The following NAV3 variants were observed in gnomAD, a reference collection of about 807,000 sequenced individuals.
The protein encoded by NAV3 is neuron navigator 3.
A neutral mutation model predicts 244.7 loss-of-function variants in NAV3; 87 were observed. That is an observed-to-expected ratio of 0.36 (90% CI 0.30 to 0.42). The LOEUF is 0.42. Ranked by LOEUF, NAV3 falls within the 20% of genes least tolerant of loss-of-function variation. The pLI, the probability that NAV3 is intolerant of heterozygous loss-of-function variation, is 1.00. For missense variants in NAV3, 2,663 were observed against 2,893.3 expected (o/e 0.92, Z 1.83); for synonymous variants, 1,126 against 1,042.2 (o/e 1.08, Z -1.55).
Position 78,176,232 on chromosome 12 carries a change from CA to C in NAV3, c.5104-197del, listed in dbSNP as rs3054757. ...TGGAGTCAATGATTTCTTTTAATAC[CA>C]AAAAAAAAATGTAGATTTTGAGTAA... is the stretch of plus-strand genomic sequence containing the variant. On this transcript the variant is annotated intron_variant, in intron 25 of 39. Coordinates refer to ENST00000397909, the MANE Select transcript of NAV3 (RefSeq NM_001024383.2). 2.4e-3 allele frequency among the ~76,000 whole-genome samples: 347 copies of C among 146,930 alleles called. 2 individuals are homozygous for C. Among genetic ancestry groups the C allele is most frequent in the Middle Eastern group, 0.01 (3 of 290 alleles).
chr12:77,929,877 G>T (rs1888615247), intron 1 of NAV3, among the ~76,000 whole-genome samples: 1 of 142,504 alleles, frequency 7.0e-6, no homozygotes, highest in Non-Finnish European at 1.5e-5. Context: ...TTGAACTCCT[G>T]ACCTCAAGTT....
chr12:78,205,019 G>A lies in NAV3; in HGVS notation c.6919G>A (p.Glu2307Lys). The change falls in exon 39 of 40, where the codon GAG becomes AAG. Residue 2307 changes from glutamate (E) to lysine (K), a missense_variant. This residue lies in a region of NAV3 where 543 missense variants were observed against 672.4 expected (regional missense o/e 0.81). Transcript: ENST00000397909. ...YPWSSATLPQ[E>K]SPALLQLRPE... Reference sequence around the variant, plus strand: ...ATGGAGCTCAGCAACTCTGCCTCAGGAGAGCCCAGCCTTACTTCAGCTGCG... The same window carrying A: ...ATGGAGCTCAGCAACTCTGCCTCAGAAGAGCCCAGCCTTACTTCAGCTGCG... The A allele has an allele frequency of 6.2e-7, 1 of 1,613,588 alleles. No homozygotes were observed. Among genetic ancestry groups the A allele is most frequent in the South Asian group, 1.1e-5 (1 of 91,064 alleles).
At chr12:77,668,280 T>C (rs1292435681) in intron 2 of NAV3, among the ~76,000 whole-genome samples, 1 of 152,056 alleles carries the variant, frequency 6.6e-6, no homozygotes, top group African/African-American at 2.4e-5. Context: ...CAAACCAAGA[T>C]GAAATCTCTG....
chr12:77,812,686 C>T (rs991487082), intron 2 of NAV3, among the ~76,000 whole-genome samples: 1 of 151,986 alleles, frequency 6.6e-6, no homozygotes, highest in African/African-American at 2.4e-5. Flanking sequence ...GCCTGGCCTC[C>T]CAAAGTGCTA....
Position 77,928,222 on chromosome 12 carries a change from C to CAAAA in NAV3, c.244-12079_244-12076dup, listed in dbSNP as rs759919821. ...TGGGTGACAGGGCTAGGCTCCGCCT[C>CAAAA]AAAAAAAAAAAAAAAAAAAAAGAGA... On this transcript the variant is annotated intron_variant, in intron 1 of 39. Coordinates refer to ENST00000397909, the MANE Select transcript of NAV3 (RefSeq NM_001024383.2). Among the ~76,000 whole-genome samples, 44 of 80,150 alleles carry CAAAA rather than the reference C, an allele frequency of 5.5e-4. 2 individuals are homozygous for CAAAA. The highest frequency in any genetic ancestry group is 8.7e-4 in the African/African-American group (17 of 19,604). The allele number at this position is 80,150 out of a possible 152,430, so 52.6% of individuals were successfully genotyped here. A position where few individuals can be genotyped will look rare whatever the true frequency, so the allele number is the denominator to read the frequency against.
chr12:78,076,911 G>A (rs61936208), intron 12 of NAV3, among the ~76,000 whole-genome samples: 1,563 of 152,162 alleles, frequency 0.01, 11 homozygotes, highest in Admixed American at 0.016. Context: ...TGTTTAAATA[G>A]CAAAGTATAA....
At chr12:78,104,520 A>C (rs1446031020) in intron 12 of NAV3, among the ~76,000 whole-genome samples, 1 of 152,200 alleles carries the variant, frequency 6.6e-6, no homozygotes, top group African/African-American at 2.4e-5. Flanking sequence ...CCAGAACTAC[A>C]AATTAACTAA....
At chr12:77,595,663 A>G (rs1373606264) in intron 2 of NAV3, among the ~76,000 whole-genome samples, 1 of 152,194 alleles carries the variant, frequency 6.6e-6, no homozygotes, top group Non-Finnish European at 1.5e-5. Flanking sequence ...TATAATTTTC[A>G]TTACAAAAAA....
intron 2 of NAV3, among the ~76,000 whole-genome samples, chr12:77,710,389 T>G (rs796881528): frequency 1.5e-4 from 22 of 148,946 alleles, no homozygotes; most frequent in Middle Eastern, 3.4e-3. Context: ...ATAACTATTA[T>G]TTTGGATGCT....
intron 2 of NAV3, among the ~76,000 whole-genome samples, chr12:77,685,038 G>A (rs1323753065): frequency 6.6e-6 from 1 of 152,054 alleles, no homozygotes; most frequent in Non-Finnish European, 1.5e-5. Context: ...ATTATTTTAT[G>A]TTTATACTAT....
chr12:78,128,932 G>A (rs2138859218), intron 18 of NAV3, 66 bp downstream of exon 18: 1 of 1,474,570 alleles, frequency 6.8e-7, no homozygotes. Context: ...AGAAACCCTG[G>A]AATCTCTCCA....
chr12:78,106,610 A>G (rs1234949828), intron 12 of NAV3, among the ~76,000 whole-genome samples: 5 of 152,224 alleles, frequency 3.3e-5, no homozygotes, highest in African/African-American at 7.2e-5. Context: ...CAACACCAGC[A>G]TGGACTGTCT....
chr12:77,726,378 G>T (rs1876880053), intron 2 of NAV3, among the ~76,000 whole-genome samples: 1 of 151,318 alleles, frequency 6.6e-6, no homozygotes, highest in South Asian at 2.1e-4. Flanking sequence ...AATATTTATT[G>T]TATATCAGTT....
chr12:78,203,709 C>T (rs1959984283), intron 38 of NAV3, among the ~76,000 whole-genome samples: 1 of 152,090 alleles, frequency 6.6e-6, no homozygotes, highest in South Asian at 2.1e-4. Flanking sequence ...AAATAGGCAC[C>T]TACTAACCAG....
rs985393095 is a variant in NAV3, at chr12:77,846,100, A to G, written c.243+14396A>G. Among the ~76,000 whole-genome samples, 10 of 152,334 alleles carry G rather than the reference A, an allele frequency of 6.6e-5. No homozygotes were observed. The East Asian group carries it at 1.9e-3, about 29-fold the overall frequency. The stretch of plus-strand genomic sequence containing the variant: ...GATTGGAGAGGAAAGGGATAGGCTT[A>G]TGTAGCTGAGAAATGAATTCACTCA... On this transcript the variant is annotated intron_variant, in intron 1 of 39. Transcript: ENST00000397909.
Position 78,118,121 on chromosome 12 carries a change from G to A in NAV3, c.2864G>A (p.Gly955Glu), listed in dbSNP as rs541383229. Residue 955 changes from glycine (G) to glutamate (E), a missense_variant, in exon 14 of 40, where the codon GGG becomes GAG. Gly to Glu is a moderately conservative substitution (Grantham distance 98, BLOSUM62 -2). Coordinates refer to ENST00000397909, the MANE Select transcript of NAV3 (RefSeq NM_001024383.2). ...KKPEEDFDSH[G>E]DAGGKWKTVS... The stretch of plus-strand genomic sequence containing the variant: ...CCAGAAGAAGATTTTGACAGCCATG[G>A]GGATGCTGGTGGCAAGTGGAAGACT... 1 of 1,614,042 alleles carries A rather than the reference G, an allele frequency of 6.2e-7. No homozygotes were observed. The highest frequency in any genetic ancestry group is 1.3e-5 in the African/African-American group (1 of 74,994).
intron 1 of NAV3, among the ~76,000 whole-genome samples, chr12:77,922,470 T>C (rs893291705): frequency 2.6e-5 from 4 of 152,134 alleles, no homozygotes; most frequent in African/African-American, 9.7e-5. Flanking sequence ...GGGTGTTTAT[T>C]AAGACTTTTG....
At position 78,118,087 on chromosome 12, in the gene NAV3, C is replaced by CTGG. The variant is rs767026628; in HGVS notation, c.2832_2833insGTG (p.Leu944_Lys945insVal). 4 of 1,614,022 alleles carry CTGG rather than the reference C, an allele frequency of 2.5e-6. No homozygotes were observed. The South Asian group carries it at 4.4e-5, about 18-fold the overall frequency. Reference sequence around the variant, plus strand: ...CGAGACCTGGGATAGTCCTGAGGAACTGAAAAAACCAGAAGAAGATTTTGA... The same window carrying CTGG: ...CGAGACCTGGGATAGTCCTGAGGAACTGGTGAAAAAACCAGAAGAAGATTTTGA... On this transcript the variant is annotated inframe_insertion, in exon 14 of 40. Coordinates refer to ENST00000397909, the MANE Select transcript of NAV3 (RefSeq NM_001024383.2).
At chr12:77,992,895 A>G (rs1871688992) in intron 5 of NAV3, among the ~76,000 whole-genome samples, 1 of 152,238 alleles carries the variant, frequency 6.6e-6, no homozygotes. Context: ...ATGGTCAAAT[A>G]CAAAGACTTT....
Sources: gnomAD v4.1 joint callset for allele counts (sites outside exome capture counted in the v4.1 genomes callset) on GRCh38, gnomAD v4.1.1 for gene constraint, gnomAD v4.1.1 regional missense constraint, MANE v1.5 for transcripts, NCBI Gene and HGNC (gene_info 2026-07-23, HGNC 2026-07-21) for gene names.